MGMT: variants seen among roughly 807,000 people sequenced by gnomAD.
The protein encoded by MGMT is O-6-methylguanine-DNA methyltransferase.
MGMT carries 14 observed loss-of-function variants against 15.9 expected under a neutral mutation model. The ratio of observed to expected loss-of-function variants is 0.88; its 90% CI spans 0.58 to 1.37. The LOEUF (loss-of-function observed/expected upper bound fraction) is 1.37, where lower values mean the gene tolerates loss of function less well. Among genes scored for constraint, MGMT ranks in the 40% most tolerant of loss-of-function variants. MGMT has a pLI of 0.00. For missense variants in MGMT, 282 were observed against 268.1 expected, an observed-to-expected ratio of 1.05 and a Z score of -0.36; for synonymous variants, 130 against 118.2, an observed-to-expected ratio of 1.10 and a Z score of -0.65.
At chr10:129,547,445 G>A (rs1846109642) in intron 2 of MGMT, among the ~76,000 whole-genome samples, 1 of 152,164 alleles carries the variant, frequency 6.6e-6, no homozygotes, top group African/African-American at 2.4e-5. Context: ...CTTATGGACT[G>A]TATGACTTCA....
At chr10:129,505,051 C>T (rs997983326) in intron 1 of MGMT, among the ~76,000 whole-genome samples, 2 of 152,112 alleles carry the variant, frequency 1.3e-5, no homozygotes, top group African/African-American at 2.4e-5. Flanking sequence ...AAAATTGCAG[C>T]GTGTGTTTCC....
intron 2 of MGMT, among the ~76,000 whole-genome samples, chr10:129,616,130 C>T (rs919245824): frequency 2.0e-5 from 3 of 152,194 alleles, no homozygotes; most frequent in East Asian, 1.9e-4. Flanking sequence ...GGTGTGGGCA[C>T]CACAGGGTCA....
At chr10:129,676,281 G>A (rs535854565) in intron 2 of MGMT, among the ~76,000 whole-genome samples, 2 of 152,314 alleles carry the variant, frequency 1.3e-5, no homozygotes, top group African/African-American at 4.8e-5. Flanking sequence ...TTGGTAATGG[G>A]ACACTTTGGC....
chr10:129,708,758 T>C (rs1356749117), intron 3 of MGMT, among the ~76,000 whole-genome samples: 10 of 152,222 alleles, frequency 6.6e-5, no homozygotes, highest in Non-Finnish European at 1.5e-4. Context: ...GAACATATAT[T>C]CATATATGAT....
At chr10:129,595,645 G>C (rs2133057299) in intron 2 of MGMT, among the ~76,000 whole-genome samples, 1 of 152,280 alleles carries the variant, frequency 6.6e-6, no homozygotes, top group East Asian at 1.9e-4. Context: ...GAGGGTTCCT[G>C]AAATTCTCAA....
At chr10:129,644,673 G>A (rs1847366165) in intron 2 of MGMT, among the ~76,000 whole-genome samples, 1 of 152,138 alleles carries the variant, frequency 6.6e-6, no homozygotes, top group South Asian at 2.1e-4. Flanking sequence ...TATCAGAAGG[G>A]AAATAAAACC....
intron 1 of MGMT, among the ~76,000 whole-genome samples, chr10:129,512,193 C>T (rs1052807915): frequency 2.6e-5 from 4 of 152,166 alleles, no homozygotes; most frequent in African/African-American, 9.7e-5. Flanking sequence ...TTTAATTGAC[C>T]TGAGTTGTCA....
At chr10:129,499,799 G>A (rs1212685858) in intron 1 of MGMT, among the ~76,000 whole-genome samples, 1 of 152,174 alleles carries the variant, frequency 6.6e-6, no homozygotes, top group Admixed American at 6.5e-5. Flanking sequence ...ATCTGATCAC[G>A]AGACTCCTGC....
intron 1 of MGMT, among the ~76,000 whole-genome samples, chr10:129,529,417 C>G (rs11016830): frequency 0.14 from 21,430 of 152,000 alleles, 2,163 homozygotes; most frequent in African/African-American, 0.29. Flanking sequence ...AGCCTAGATC[C>G]CTCCCATGCA....
intron 1 of MGMT, among the ~76,000 whole-genome samples, chr10:129,485,858 T>C (rs548167777): frequency 4.6e-5 from 7 of 152,324 alleles, no homozygotes; most frequent in Admixed American, 2.0e-4. Flanking sequence ...TTGCTCAGAT[T>C]ACACAAAGCC....
chr10:129,471,046 G>A (rs770656153), intron 1 of MGMT, among the ~76,000 whole-genome samples: 8 of 152,162 alleles, frequency 5.3e-5, no homozygotes, highest in South Asian at 2.1e-4. Flanking sequence ...CAGCCCTGCC[G>A]CCCATTCCCA....
At chr10:129,572,533 C>T (rs55776404) in intron 2 of MGMT, among the ~76,000 whole-genome samples, 4,142 of 152,224 alleles carry the variant, frequency 0.027, 91 homozygotes, top group South Asian at 0.065. Flanking sequence ...ATTCCGCTCT[C>T]GGAGCTTGAT....
chr10:129,557,185 A>G (rs1846223802), intron 2 of MGMT, among the ~76,000 whole-genome samples: 1 of 152,242 alleles, frequency 6.6e-6, no homozygotes, highest in Admixed American at 6.5e-5. Flanking sequence ...GCATGTGCTA[A>G]TTTCGAGGAA....
chr10:129,723,747 A>G (rs531756265), intron 3 of MGMT, among the ~76,000 whole-genome samples: 1 of 152,218 alleles, frequency 6.6e-6, no homozygotes, highest in Non-Finnish European at 1.5e-5. Context: ...GCAAAGACAC[A>G]TAATACACAG....
At chr10:129,476,231 T>C (rs1845292517) in intron 1 of MGMT, among the ~76,000 whole-genome samples, 1 of 152,300 alleles carries the variant, frequency 6.6e-6, no homozygotes, top group African/African-American at 2.4e-5. Context: ...AGAGCCTGGG[T>C]CACTTCCCTT....
chr10:129,560,080 A>G (rs966363780), intron 2 of MGMT, among the ~76,000 whole-genome samples: 1 of 152,228 alleles, frequency 6.6e-6, no homozygotes, highest in African/African-American at 2.4e-5. Context: ...TCAGTTGTTA[A>G]AAAGGCAGAG....
intron 2 of MGMT, among the ~76,000 whole-genome samples, chr10:129,582,752 C>T (rs919588174): frequency 2.0e-5 from 3 of 152,170 alleles, no homozygotes; most frequent in East Asian, 1.9e-4. Flanking sequence ...AGCACACCAG[C>T]GGGTTCCTGG....
chr10:129,595,822 G>A (rs769980302), intron 2 of MGMT, among the ~76,000 whole-genome samples: 1 of 152,122 alleles, frequency 6.6e-6, no homozygotes, highest in Non-Finnish European at 1.5e-5. Flanking sequence ...AGCCGTCGGG[G>A]AGTTCCTCCT....
At chr10:129,493,076 C>G (rs1015504879) in intron 1 of MGMT, among the ~76,000 whole-genome samples, 3 of 152,140 alleles carry the variant, frequency 2.0e-5, no homozygotes, top group Non-Finnish European at 4.4e-5. Context: ...GTAACTCTTA[C>G]GATGACACGG....
Sources: allele counts gnomAD v4.1 joint callset (sites outside exome capture counted in the v4.1 genomes callset), GRCh38; gene constraint gnomAD v4.1.1; transcripts MANE v1.5; gene names NCBI Gene and HGNC (gene_info 2026-07-23, HGNC 2026-07-21).